RPS6KA2: variants seen among roughly 807,000 people sequenced by gnomAD.
The protein encoded by RPS6KA2 is ribosomal protein S6 kinase A2, also known as ribosomal protein S6 kinase alpha-2.
A neutral mutation model predicts 91.8 loss-of-function variants in RPS6KA2; 42 were observed. That is an observed-to-expected ratio of 0.46 (90% confidence interval 0.36 to 0.59). RPS6KA2 has a LOEUF of 0.59. RPS6KA2 is among the 20% of genes least tolerant of loss of function. RPS6KA2 has a pLI of 0.00. For synonymous variants in RPS6KA2, 414 were observed against 393.6 expected, an observed-to-expected ratio of 1.05 and a Z score of -0.61; for missense variants, 798 against 978.5, an observed-to-expected ratio of 0.82 and a Z score of 2.46.
chr6:166,519,906 T>C (rs1179503518), intron 3 of RPS6KA2, among the ~76,000 whole-genome samples: 2 of 152,180 alleles, frequency 1.3e-5, no homozygotes, highest in Non-Finnish European at 2.9e-5. Context: ...GGCTAAGAGA[T>C]GCCCAGAGAG....
chr6:166,478,800 C>T (rs1401569588), intron 10 of RPS6KA2, among the ~76,000 whole-genome samples: 3 of 152,144 alleles, frequency 2.0e-5, no homozygotes, highest in Non-Finnish European at 4.4e-5. Flanking sequence ...TGTGTTTACT[C>T]GTCAGACCCA....
intron 2 of RPS6KA2, among the ~76,000 whole-genome samples, chr6:166,762,930 C>A (rs1205514651): frequency 6.6e-6 from 1 of 152,240 alleles, no homozygotes; most frequent in Non-Finnish European, 1.5e-5. Flanking sequence ...ATAACAGCTG[C>A]AAGCATGAAT....
In RPS6KA2 at chr6:166,572,841, C is replaced by T. The variant is rs569026323; in HGVS notation, c.100-34057G>A. Among the ~76,000 whole-genome samples, 16 of 152,376 alleles carry T rather than the reference C, an allele frequency of 1.1e-4. No individual in the cohort carries two copies. The East Asian group carries it at 2.5e-3, about 24-fold the overall frequency. The stretch of plus-strand genomic sequence containing the variant: ...AGGGTGTGAGACAGAGCAGCTCCCA[C>T]GTCCTCTGCTCCCCTTGAATCTGCA... On this transcript the variant is annotated intron_variant, in intron 1 of 20. Transcript: ENST00000265678.
In RPS6KA2 at chr6:166,596,814, G is replaced by A. The variant is rs887961832; in HGVS notation, c.99+30107C>T. ...AACCCTGACTAATACACTCTGTGAGGAAACACTGGGCCTGAATATGGGAGA... is the reference window on the plus strand; with the variant it reads ...AACCCTGACTAATACACTCTGTGAGAAAACACTGGGCCTGAATATGGGAGA... On this transcript the variant is annotated intron_variant, in intron 1 of 20. Transcript: ENST00000265678. 2.6e-5 allele frequency among the ~76,000 whole-genome samples: 4 copies of A among 152,176 alleles called. No homozygotes were observed. The East Asian group carries it at 7.7e-4, about 29-fold the overall frequency.
At chr6:166,860,353 A>G (rs1478657574) in intron 1 of RPS6KA2, among the ~76,000 whole-genome samples, 1 of 152,206 alleles carries the variant, frequency 6.6e-6, no homozygotes, top group Non-Finnish European at 1.5e-5. Context: ...CAAAACCTTT[A>G]CCATCTGCCC....
intron 1 of RPS6KA2, among the ~76,000 whole-genome samples, chr6:166,616,221 G>T (rs1786406464): frequency 6.6e-6 from 1 of 152,160 alleles, no homozygotes; most frequent in Admixed American, 6.5e-5. Context: ...TAATTTTACA[G>T]AGAAGAAAAT....
intron 10 of RPS6KA2, among the ~76,000 whole-genome samples, chr6:166,478,018 C>T (rs7742787): frequency 0.033 from 4,968 of 152,290 alleles, 275 homozygotes; most frequent in African/African-American, 0.11. Flanking sequence ...TAAATACGTC[C>T]AGCATCTCCA....
At chr6:166,655,698 GC>G (rs1261626159) in intron 2 of RPS6KA2, among the ~76,000 whole-genome samples, 2 of 152,200 alleles carry the variant, frequency 1.3e-5, no homozygotes, top group African/African-American at 4.8e-5. Context: ...ATATCTCATA[GC>G]TAGTAAGATC....
intron 2 of RPS6KA2, among the ~76,000 whole-genome samples, chr6:166,769,112 G>C (rs1323541115): frequency 2.0e-5 from 3 of 152,148 alleles, no homozygotes; most frequent in Admixed American, 2.0e-4. Flanking sequence ...CCTGAACTCT[G>C]TGCAGCACCC....
intron 2 of RPS6KA2, among the ~76,000 whole-genome samples, chr6:166,768,522 T>C (rs1361505899): frequency 1.3e-5 from 2 of 152,102 alleles, no homozygotes; most frequent in Non-Finnish European, 2.9e-5. Flanking sequence ...GCTGAGTCTG[T>C]GTTAGGAGTT....
rs74300212 is a variant in RPS6KA2, at chr6:166,416,712, C to T, written c.1938+1513G>A. Among the ~76,000 whole-genome samples, 5 of 151,542 alleles carry T rather than the reference C, an allele frequency of 3.3e-5. No homozygotes were observed. In the East Asian group the frequency reaches 7.8e-4, roughly 24 times the overall value. On this transcript the variant is annotated intron_variant, in intron 19 of 20. Coordinates refer to ENST00000265678, the MANE Select transcript of RPS6KA2 (RefSeq NM_021135.6). ...TTACCTCCACCATCATCTCCACAAT[C>T]GTCACCTCCACCATCCCTCCACAAT...
At chr6:166,703,280 C>A (rs926378399) in intron 2 of RPS6KA2, among the ~76,000 whole-genome samples, 14 of 152,224 alleles carry the variant, frequency 9.2e-5, no homozygotes. Context: ...ATGGGAACAG[C>A]TAGAAACATT....
chr6:166,697,057 A>ATATG (rs112166851), intron 2 of RPS6KA2, among the ~76,000 whole-genome samples: 1 of 149,554 alleles, frequency 6.7e-6, no homozygotes, highest in African/African-American at 2.5e-5. Context: ...GTGTATATAT[A>ATATG]TGTGTGTGTG....
At chr6:166,473,180 A>G (rs984325576) in intron 10 of RPS6KA2, among the ~76,000 whole-genome samples, 1 of 149,020 alleles carries the variant, frequency 6.7e-6, no homozygotes, top group Non-Finnish European at 1.5e-5. Context: ...AGTGCAGTGC[A>G]GTGCCTGTGA....
chr6:166,524,921 G>A (rs113809138), intron 3 of RPS6KA2, among the ~76,000 whole-genome samples: 11 of 152,304 alleles, frequency 7.2e-5, no homozygotes, highest in Middle Eastern at 3.4e-3. Flanking sequence ...TGTTGGCAGT[G>A]CCCTAGAGAC....
At chr6:166,751,979 C>A (rs1791300622) in intron 2 of RPS6KA2, among the ~76,000 whole-genome samples, 1 of 152,152 alleles carries the variant, frequency 6.6e-6, no homozygotes, top group African/African-American at 2.4e-5. Context: ...AAGCCAGACT[C>A]CTTGGAGAAA....
intron 1 of RPS6KA2, among the ~76,000 whole-genome samples, chr6:166,577,074 G>A (rs908517945): frequency 7.9e-5 from 12 of 152,242 alleles, no homozygotes; most frequent in Non-Finnish European, 1.5e-4. Flanking sequence ...CTTCCATGTG[G>A]TGTTGAGCCT....
In RPS6KA2 at chr6:166,493,500, C is replaced by G. The variant is rs1781677569; in HGVS notation, c.748-2759G>C. ...GACTTGCCAAGGCTTCCGGGGTGAA[C>G]TGAGAAAAGCCGAGGTTCATCTTGG... On this transcript the variant is annotated intron_variant, in intron 8 of 20. Coordinates refer to ENST00000265678, the MANE Select transcript of RPS6KA2 (RefSeq NM_021135.6). This position sits in a 1 kb window ranked among gnomAD's most constrained non-coding sequence, Gnocchi z 4.7. Among the ~76,000 whole-genome samples the G allele has an allele frequency of 6.6e-6, 1 of 152,060 alleles. No homozygotes were observed. Among genetic ancestry groups the G allele is most frequent in the Non-Finnish European group, 1.5e-5 (1 of 68,028 alleles).
intron 10 of RPS6KA2, among the ~76,000 whole-genome samples, chr6:166,485,390 G>T (rs1014059461): frequency 6.6e-6 from 1 of 152,182 alleles, no homozygotes; most frequent in African/African-American, 2.4e-5. Context: ...GGCGTGTCCT[G>T]AAGTGGGTTG....
Sources: allele counts gnomAD v4.1 joint callset (sites outside exome capture counted in the v4.1 genomes callset), GRCh38; gene constraint gnomAD v4.1.1; non-coding constraint Gnocchi (gnomAD v3.1); transcripts MANE v1.5; gene names NCBI Gene and HGNC (gene_info 2026-07-23, HGNC 2026-07-21).